CACNA2D1: variants seen among roughly 807,000 people sequenced by gnomAD.
The protein encoded by CACNA2D1 is calcium voltage-gated channel auxiliary subunit alpha2delta 1.
CACNA2D1 carries 53 observed loss-of-function variants against 171.5 expected under a neutral mutation model. The ratio of observed to expected loss-of-function variants is 0.31; its 90% CI spans 0.25 to 0.39. The LOEUF is 0.39. Among genes scored for constraint, CACNA2D1 ranks in the 10% least tolerant of loss-of-function variants. The probability of loss-of-function intolerance (pLI) is 1.00; values close to 1 mark genes in which losing one functional copy is unlikely to be tolerated. For missense variants in CACNA2D1, 903 were observed against 1,299.8 expected (o/e 0.69, Z 4.69); for synonymous variants, 442 against 443.1 (o/e 1.00, Z 0.03).
chr7:81,954,178 T>G (rs1404465651), intron 38 of CACNA2D1, among the ~76,000 whole-genome samples: 1 of 152,056 alleles, frequency 6.6e-6, no homozygotes, highest in Non-Finnish European at 1.5e-5. Flanking sequence ...GAGACTGAAA[T>G]CCCACTGACA....
At chr7:82,311,416 C>T (rs1287884285) in intron 3 of CACNA2D1, among the ~76,000 whole-genome samples, 1 of 151,626 alleles carries the variant, frequency 6.6e-6, no homozygotes, top group Non-Finnish European at 1.5e-5. Context: ...TAGTATCAAG[C>T]AGAACAAGAA....
intron 3 of CACNA2D1, among the ~76,000 whole-genome samples, chr7:82,203,269 C>T (rs1585088948): frequency 1.3e-5 from 2 of 152,088 alleles, no homozygotes; most frequent in East Asian, 3.9e-4. Context: ...AAATATTTTA[C>T]ACAGCTTGGT....
At chr7:82,431,871 C>G (rs573923417) in intron 1 of CACNA2D1, among the ~76,000 whole-genome samples, 2 of 151,584 alleles carry the variant, frequency 1.3e-5, no homozygotes, top group East Asian at 3.9e-4. Context: ...AACCCTATCT[C>G]TACTAAAAAT....
At chr7:82,293,536 G>A (rs1811912501) in intron 3 of CACNA2D1, among the ~76,000 whole-genome samples, 1 of 152,168 alleles carries the variant, frequency 6.6e-6, no homozygotes, top group Admixed American at 6.5e-5. Context: ...GCCAATAGCT[G>A]CAGAAATTAC....
intron 3 of CACNA2D1, among the ~76,000 whole-genome samples, chr7:82,261,198 G>T (rs1353802639): frequency 6.6e-6 from 1 of 152,126 alleles, no homozygotes; most frequent in Non-Finnish European, 1.5e-5. Flanking sequence ...CAAGTGATCT[G>T]CCCGCCTCGG....
intron 3 of CACNA2D1, among the ~76,000 whole-genome samples, chr7:82,195,377 G>A (rs1026382025): frequency 6.6e-6 from 1 of 151,918 alleles, no homozygotes; most frequent in Non-Finnish European, 1.5e-5. Context: ...AAAGATTCAG[G>A]AATCACCTTT....
rs1004833446 is a variant in CACNA2D1, at chr7:82,115,060, T to A, written c.526+1984A>T. On this transcript the variant is annotated intron_variant, in intron 6 of 38. Transcript: ENST00000356860. ...AAGATTTCTAATAAATGAACAACAT[T>A]CAAGTTGGCTTCAGTTTTCTTCAAC... Among the ~76,000 whole-genome samples the A allele has an allele frequency of 2.0e-5, 3 of 152,170 alleles. No homozygotes were observed. The East Asian group carries it at 5.8e-4, about 29-fold the overall frequency.
chr7:82,165,672 T>C (rs1160593195), intron 4 of CACNA2D1, among the ~76,000 whole-genome samples: 1 of 151,910 alleles, frequency 6.6e-6, no homozygotes, highest in East Asian at 1.9e-4. Context: ...AATTTTGGAG[T>C]AAATGAGCTT....
intron 3 of CACNA2D1, among the ~76,000 whole-genome samples, chr7:82,303,452 T>TAA (rs573316819): frequency 2.0e-3 from 240 of 122,376 alleles, no homozygotes; most frequent in South Asian, 0.018. Context: ...TGTATGTAAC[T>TAA]AAAAAAAAAA....
intron 7 of CACNA2D1, among the ~76,000 whole-genome samples, chr7:82,081,544 C>G (rs1049020611): frequency 1.3e-5 from 2 of 152,158 alleles, no homozygotes; most frequent in African/African-American, 4.8e-5. Context: ...CTTCCTGTAA[C>G]AGGTAAATGA....
intron 3 of CACNA2D1, among the ~76,000 whole-genome samples, chr7:82,195,621 C>A (rs1798769474): frequency 6.6e-6 from 1 of 151,572 alleles, no homozygotes; most frequent in Non-Finnish European, 1.5e-5. Context: ...CATGTTATCT[C>A]TCCCAGAGTC....
chr7:82,439,250 G>A (rs1018934122), intron 1 of CACNA2D1, among the ~76,000 whole-genome samples: 6 of 152,060 alleles, frequency 3.9e-5, no homozygotes, highest in Non-Finnish European at 8.8e-5. Context: ...TATTGTTTAT[G>A]AATATATACT....
intron 4 of CACNA2D1, among the ~76,000 whole-genome samples, chr7:82,153,482 A>AT (rs1794058543): frequency 6.6e-6 from 1 of 152,134 alleles, no homozygotes; most frequent in African/African-American, 2.4e-5. Context: ...CAATTGCACA[A>AT]TCTAAAGTTG....
In CACNA2D1 at chr7:81,974,543, G is replaced by T. The variant is rs184261698; in HGVS notation, c.1965C>A (p.Cys655Ter). 6.6e-7 allele frequency: 1 copy of T among 1,505,402 alleles called. No individual in the cohort carries two copies. Among genetic ancestry groups the T allele is most frequent in the Non-Finnish European group, 9.2e-7 (1 of 1,085,148 alleles). The allele number at this position is 1,505,402 out of a possible 1,614,324, so 93.3% of individuals were successfully genotyped here. ...TATTATCCGATATTTTCAGGTCATT[G>T]CAGTAATCTCTGAAAAAAAAACATT... The part of the protein sequence containing the change: ...GYTFIAPRDY[C>*]NDLKISDNNT... Residue 655 changes from cysteine to a stop codon, truncating the protein, a stop_gained, in exon 25 of 39, where the codon TGC becomes TGA. Transcript: ENST00000356860. LOFTEE classifies it high-confidence loss of function.
intron 3 of CACNA2D1, among the ~76,000 whole-genome samples, chr7:82,253,191 CAT>C (rs1166063045): frequency 6.6e-6 from 1 of 152,072 alleles, no homozygotes; most frequent in African/African-American, 2.4e-5. Flanking sequence ...AATGAGAAAC[CAT>C]TACAGAATTT....
chr7:82,085,238 C>T (rs959038033), intron 6 of CACNA2D1, among the ~76,000 whole-genome samples: 1 of 152,130 alleles, frequency 6.6e-6, no homozygotes, highest in African/African-American at 2.4e-5. Context: ...TGTTTAGCAG[C>T]ATCTCTGGCC....
Position 82,443,426 on chromosome 7 carries a change from T to C in CACNA2D1, c.34A>G (p.Thr12Ala). Residue 12 changes from threonine to alanine, a missense_variant, in exon 1 of 39, where the codon ACA becomes GCA. By Grantham distance (58) the Thr-to-Ala change is moderately conservative. Around this residue, in one of 5 missense-constraint regions of CACNA2D1, gnomAD observed 41 missense variants for 27.6 expected, o/e 1.49. Transcript: ENST00000356860. ...AAGCLLALTL[T>A]LFQSLLIGPS... Reference sequence around the variant, plus strand: ...CCGATGAGCAAAGATTGGAAAAGTGTCAGAGTCAAGGCCAGCAGGCAGCCA... The same window carrying C: ...CCGATGAGCAAAGATTGGAAAAGTGCCAGAGTCAAGGCCAGCAGGCAGCCA... 6.2e-7 allele frequency: 1 copy of C among 1,607,716 alleles called. No homozygotes were observed. The highest frequency in any genetic ancestry group is 2.2e-5 in the East Asian group (1 of 44,452).
intron 4 of CACNA2D1, among the ~76,000 whole-genome samples, chr7:82,153,876 T>C (rs1276402103): frequency 6.6e-6 from 1 of 151,856 alleles, no homozygotes; most frequent in Non-Finnish European, 1.5e-5. Flanking sequence ...ACAGCACAGT[T>C]AAAAATAAAT....
intron 3 of CACNA2D1, among the ~76,000 whole-genome samples, chr7:82,314,318 A>G (rs1814828858): frequency 6.6e-6 from 1 of 152,228 alleles, no homozygotes; most frequent in Non-Finnish European, 1.5e-5. Context: ...ACTTGTATTC[A>G]CAATGCTGAG....
Sources: allele counts gnomAD v4.1 joint callset (sites outside exome capture counted in the v4.1 genomes callset), GRCh38; gene constraint gnomAD v4.1.1; regional missense constraint gnomAD v4.1.1; transcripts MANE v1.5; gene names NCBI Gene and HGNC (gene_info 2026-07-23, HGNC 2026-07-21).